The following PARD3B variants were observed in gnomAD, a reference collection of about 807,000 sequenced individuals.
PARD3B encodes par-3 family cell polarity regulator beta, also known as partitioning defective 3 homolog B.
In PARD3B, 103 loss-of-function variants were observed where a neutral mutation model predicts 130.2. The observed-to-expected ratio is 0.79, with a 90% CI of 0.67 to 0.93. The LOEUF (loss-of-function observed/expected upper bound fraction) is 0.93, where lower values mean the gene tolerates loss of function less well. Ranked by LOEUF, PARD3B falls within the 40% of genes least tolerant of loss-of-function variation. The pLI, the probability that PARD3B is intolerant of heterozygous loss-of-function variation, is 0.00. For missense variants in PARD3B, 1,609 were observed against 1,499.2 expected (o/e 1.07, Z -1.21); for synonymous variants, 583 against 553.2 (o/e 1.05, Z -0.76).
At chr2:205,327,319 C>A (rs534714988) in intron 18 of PARD3B, among the ~76,000 whole-genome samples, 1 of 152,182 alleles carries the variant, frequency 6.6e-6, no homozygotes, top group East Asian at 1.9e-4. Context: ...AACGGGGACA[C>A]ACCTGTTCCT....
intron 18 of PARD3B, among the ~76,000 whole-genome samples, chr2:205,400,804 G>A (rs1239410901): frequency 2.0e-5 from 3 of 152,130 alleles, no homozygotes; most frequent in African/African-American, 4.8e-5. Context: ...AGGAAGGAAG[G>A]AAGGAAAGAA....
At chr2:205,100,610 T>G (rs569005208) in intron 4 of PARD3B, among the ~76,000 whole-genome samples, 1 of 152,276 alleles carries the variant, frequency 6.6e-6, no homozygotes, top group African/African-American at 2.4e-5. Context: ...AATAATTGAC[T>G]GTGTCGTACT....
At chr2:205,370,537 G>A (rs966231214) in intron 18 of PARD3B, among the ~76,000 whole-genome samples, 3 of 152,132 alleles carry the variant, frequency 2.0e-5, no homozygotes, top group Admixed American at 6.5e-5. Context: ...CAGCAGGCCC[G>A]GGAAAGGGCA....
chr2:205,171,819 C>T (rs1217233387), intron 11 of PARD3B, among the ~76,000 whole-genome samples: 1 of 152,174 alleles, frequency 6.6e-6, no homozygotes, highest in Non-Finnish European at 1.5e-5. Context: ...GCAAATTCTC[C>T]TTTCAAGAGT....
At chr2:204,716,918 G>A (rs1463031093) in intron 2 of PARD3B, among the ~76,000 whole-genome samples, 5 of 152,110 alleles carry the variant, frequency 3.3e-5, no homozygotes, top group African/African-American at 9.7e-5. Flanking sequence ...CACCGCACCC[G>A]GCCCAGCAAC....
rs1204171766 is a variant in PARD3B, at chr2:205,619,564, C to A, written c.*3751C>A. On this transcript the variant is annotated 3_prime_UTR_variant, in exon 23 of 23. Transcript: ENST00000406610. ...GAAGTATTTCTCAGCACTCCCAGTT[C>A]CTGCCAACTTAGCTGGAAACGATGC... 1 of 152,146 alleles carries A rather than the reference C, an allele frequency of 6.6e-6. No homozygotes were observed. Among genetic ancestry groups the A allele is most frequent in the Non-Finnish European group, 1.5e-5 (1 of 68,024 alleles). The allele number at this position is 152,146 out of a possible 1,614,324, so 9.4% of individuals were successfully genotyped here.
chr2:204,620,234 C>T (rs1051396886), intron 1 of PARD3B, among the ~76,000 whole-genome samples: 3 of 152,076 alleles, frequency 2.0e-5, no homozygotes, highest in Non-Finnish European at 4.4e-5. Context: ...AACTCCTGAC[C>T]TCAGATGATC....
chr2:205,594,339 C>G (rs980991976), intron 22 of PARD3B, among the ~76,000 whole-genome samples: 2 of 152,130 alleles, frequency 1.3e-5, no homozygotes, highest in Non-Finnish European at 2.9e-5. Context: ...AAATGTGAAC[C>G]AGGTAAGGTG....
At chr2:205,549,876 T>A (rs1280365695) in intron 21 of PARD3B, among the ~76,000 whole-genome samples, 1 of 152,170 alleles carries the variant, frequency 6.6e-6, no homozygotes, top group East Asian at 1.9e-4. Context: ...TATGCATGTG[T>A]AGGGGTGGGA....
At chr2:205,528,767 G>A (rs148001476) in intron 21 of PARD3B, among the ~76,000 whole-genome samples, 2,041 of 152,252 alleles carry the variant, frequency 0.013, 26 homozygotes, top group Non-Finnish European at 0.024. Flanking sequence ...TGTGATTACA[G>A]GCGTGAGCCA....
At chr2:205,363,100 G>A (rs1349068700) in intron 18 of PARD3B, among the ~76,000 whole-genome samples, 1 of 152,090 alleles carries the variant, frequency 6.6e-6, no homozygotes. Flanking sequence ...ACTGGAGGGC[G>A]GTATTAAAAT....
At chr2:204,995,099 A>G (rs1694043598) in intron 3 of PARD3B, among the ~76,000 whole-genome samples, 1 of 151,850 alleles carries the variant, frequency 6.6e-6, no homozygotes, top group African/African-American at 2.4e-5. Context: ...TAATATTGTT[A>G]TGTGTGAATT....
In PARD3B at chr2:205,281,349, A is replaced by T. The variant is rs1014483233; in HGVS notation, c.2186-19181A>T. On this transcript the variant is annotated intron_variant, in intron 16 of 22. Coordinates refer to ENST00000406610, the MANE Select transcript of PARD3B (RefSeq NM_001302769.2). The surrounding 1 kb of genome is among the most constrained non-coding windows in gnomAD (Gnocchi z 4.2). Reference sequence around the variant, plus strand: ...GGTAATCATAGAGCAAGGTGGAGCCAGGGACCAACTCGAGTGACCCATCTT... The same window carrying T: ...GGTAATCATAGAGCAAGGTGGAGCCTGGGACCAACTCGAGTGACCCATCTT... 1.6e-4 allele frequency among the ~76,000 whole-genome samples: 25 copies of T among 152,236 alleles called. No individual in the cohort carries two copies. Among genetic ancestry groups the T allele is most frequent in the Admixed American group, 1.6e-3 (24 of 15,278 alleles).
intron 4 of PARD3B, among the ~76,000 whole-genome samples, chr2:205,073,476 G>A (rs1700863980): frequency 6.6e-6 from 1 of 151,656 alleles, no homozygotes; most frequent in African/African-American, 2.4e-5. Context: ...TATTTTTTCG[G>A]GAAAAAAAGT....
intron 20 of PARD3B, among the ~76,000 whole-genome samples, chr2:205,449,821 A>C (rs1417161158): frequency 6.6e-6 from 1 of 152,218 alleles, no homozygotes; most frequent in Non-Finnish European, 1.5e-5. Flanking sequence ...AGGTCACACA[A>C]AGAAGTTTAG....
At position 205,366,522 on chromosome 2, in the gene PARD3B, A is replaced by C. The variant is rs2044615912; in HGVS notation, c.2631-34491A>C. ...ATTTTACATGTGGGGACCCAGAGGA[A>C]TAGAAATGTCACATCGTGACTGAGG... On this transcript the variant is annotated intron_variant, in intron 18 of 22. Transcript: ENST00000406610. This position sits in a 1 kb window ranked among gnomAD's most constrained non-coding sequence, Gnocchi z 5.0. 6.6e-6 allele frequency among the ~76,000 whole-genome samples: 1 copy of C among 152,208 alleles called. No homozygotes were observed.
chr2:205,132,651 G>C (rs1215442036), intron 10 of PARD3B, among the ~76,000 whole-genome samples: 1 of 152,080 alleles, frequency 6.6e-6, no homozygotes, highest in Non-Finnish European at 1.5e-5. Context: ...TTCTCCAATA[G>C]ACCTTAAGAA....
intron 21 of PARD3B, among the ~76,000 whole-genome samples, chr2:205,502,288 G>A (rs1039582787): frequency 1.3e-5 from 2 of 152,084 alleles, no homozygotes; most frequent in African/African-American, 2.4e-5. Flanking sequence ...GACCCAACAA[G>A]GCAGCTTTTA....
intron 2 of PARD3B, among the ~76,000 whole-genome samples, chr2:204,864,548 C>G (rs1054669142): frequency 1.3e-5 from 2 of 152,126 alleles, no homozygotes; most frequent in African/African-American, 4.8e-5. Context: ...GCAAAGTCCC[C>G]CTATTCAAAG....
Sources: gnomAD v4.1 joint callset for allele counts (sites outside exome capture counted in the v4.1 genomes callset) on GRCh38, gnomAD v4.1.1 for gene constraint, Gnocchi (gnomAD v3.1) non-coding constraint, MANE v1.5 for transcripts, NCBI Gene and HGNC (gene_info 2026-07-23, HGNC 2026-07-21) for gene names.